The following YWHAQ variants were observed in gnomAD, a reference collection of about 807,000 sequenced individuals.
YWHAQ encodes 14-3-3 protein theta.
YWHAQ carries 6 observed loss-of-function variants against 28.3 expected under a neutral mutation model. The observed-to-expected ratio is 0.21, with a 90% CI of 0.12 to 0.42. YWHAQ has a LOEUF of 0.42. Among genes scored for constraint, YWHAQ ranks in the 10% least tolerant of loss-of-function variants. YWHAQ has a pLI of 1.00. For synonymous variants in YWHAQ, 143 were observed against 119.1 expected (o/e 1.20, Z -1.31); for missense variants, 201 against 305.6 (o/e 0.66, Z 2.55).
chr2:9,593,343 G>A (rs548633161), intron 2 of YWHAQ, among the ~76,000 whole-genome samples: 6 of 150,934 alleles, frequency 4.0e-5, no homozygotes, highest in African/African-American at 1.5e-4. Flanking sequence ...CGAGCAGCTG[G>A]GACTACAGGC....
chr2:9,599,249 C>G (rs978683164), intron 2 of YWHAQ, among the ~76,000 whole-genome samples: 1 of 151,956 alleles, frequency 6.6e-6, no homozygotes, highest in African/African-American at 2.4e-5. Flanking sequence ...TGAGGTTGAC[C>G]GAAAGAAGTC....
At chr2:9,617,637 TAA>T (rs1667062689) in intron 2 of YWHAQ, among the ~76,000 whole-genome samples, 1 of 152,144 alleles carries the variant, frequency 6.6e-6, no homozygotes, top group Non-Finnish European at 1.5e-5. Context: ...TACCACACTA[TAA>T]GAGTTTTATT....
intron 2 of YWHAQ, among the ~76,000 whole-genome samples, chr2:9,607,969 A>G (rs1572997574): frequency 6.6e-6 from 1 of 152,048 alleles, no homozygotes; most frequent in East Asian, 1.9e-4. Context: ...CAGCCTCCCA[A>G]AGTGCTGGTA....
intron 2 of YWHAQ, among the ~76,000 whole-genome samples, chr2:9,602,511 AT>A (rs112452079): frequency 6.7e-5 from 10 of 148,822 alleles, no homozygotes; most frequent in East Asian, 2.0e-4. Context: ...ACCTACGCAC[AT>A]TTTTTTTTTA....
intron 5 of YWHAQ, among the ~76,000 whole-genome samples, chr2:9,586,102 A>G (rs1179888983): frequency 1.3e-5 from 2 of 152,164 alleles, no homozygotes; most frequent in Admixed American, 6.5e-5. Flanking sequence ...ACAATTTTCA[A>G]GTGTGTGAAG....
Position 9,630,523 on chromosome 2 carries a change from G to T in YWHAQ, c.-71C>A. 4.3e-6 allele frequency: 6 copies of T among 1,400,314 alleles called. No homozygotes were observed. The highest frequency in any genetic ancestry group is 4.7e-6 in the Non-Finnish European group (5 of 1,059,024). 86.7% of individuals were successfully genotyped at this position (1,400,314 alleles called of 1,614,324 possible). The stretch of plus-strand genomic sequence containing the variant: ...GGCGAGCGCCGACCCGCAGCGGGAG[G>T]AGCCTCGAGAGCTGCGGAGGGGCGG... On this transcript the variant is annotated 5_prime_UTR_variant, in exon 2 of 6. Transcript: ENST00000238081. The surrounding 1 kb of genome is among the most constrained non-coding windows in gnomAD (Gnocchi z 5.6).
At chr2:9,597,268 A>G (rs1297823758) in intron 2 of YWHAQ, among the ~76,000 whole-genome samples, 2 of 152,196 alleles carry the variant, frequency 1.3e-5, no homozygotes, top group South Asian at 2.1e-4. Context: ...TATAACATCA[A>G]TTCATCTATG....
At chr2:9,611,924 C>G (rs188631022) in intron 2 of YWHAQ, among the ~76,000 whole-genome samples, 2 of 152,248 alleles carry the variant, frequency 1.3e-5, no homozygotes, top group African/African-American at 4.8e-5. Context: ...CCGCCTTGGC[C>G]TCCCAAAGCG....
chr2:9,626,846 C>T (rs903151454), intron 2 of YWHAQ, among the ~76,000 whole-genome samples: 2 of 152,186 alleles, frequency 1.3e-5, no homozygotes, highest in Admixed American at 1.3e-4. Context: ...AGTTTTCAAC[C>T]TGTCATGTAT....
chr2:9,585,165 T>C lies in YWHAQ; in HGVS notation c.*121A>G. On this transcript the variant is annotated 3_prime_UTR_variant, in exon 6 of 6. Transcript: ENST00000238081. ...CCAAAGCTGCAGTGTGAAAAGACTA[T>C]AAACAGTTGATTCCATACACATGAA... 3.6e-6 allele frequency: 4 copies of C among 1,105,742 alleles called. No homozygotes were observed. Among genetic ancestry groups the C allele is most frequent in the Non-Finnish European group, 5.4e-6 (4 of 747,404 alleles). 68.5% of individuals were successfully genotyped at this position (1,105,742 alleles called of 1,614,324 possible).
At chr2:9,603,543 G>A (rs1017795668) in intron 2 of YWHAQ, among the ~76,000 whole-genome samples, 1 of 151,670 alleles carries the variant, frequency 6.6e-6, no homozygotes, top group Non-Finnish European at 1.5e-5. Context: ...CCAAAGTGCT[G>A]TGATTACGGG....
chr2:9,606,017 A>T (rs2125068017), intron 2 of YWHAQ, among the ~76,000 whole-genome samples: 1 of 151,954 alleles, frequency 6.6e-6, no homozygotes, highest in South Asian at 2.1e-4. Flanking sequence ...TAGCTGCCTC[A>T]TTCTATATAT....
intron 3 of YWHAQ, among the ~76,000 whole-genome samples, chr2:9,589,714 G>C (rs1425054343): frequency 6.6e-6 from 1 of 152,090 alleles, no homozygotes; most frequent in Non-Finnish European, 1.5e-5. Context: ...GTATCAAGTG[G>C]TATTATTTGA....
At chr2:9,619,690 T>C (rs1004639824) in intron 2 of YWHAQ, among the ~76,000 whole-genome samples, 2 of 152,234 alleles carry the variant, frequency 1.3e-5, no homozygotes, top group African/African-American at 4.8e-5. Flanking sequence ...AATGGTGGTC[T>C]CTGCAATCAG....
intron 2 of YWHAQ, among the ~76,000 whole-genome samples, chr2:9,621,510 T>C (rs1210167822): frequency 6.6e-6 from 1 of 152,160 alleles, no homozygotes; most frequent in Non-Finnish European, 1.5e-5. Context: ...GATCTTACCA[T>C]TAACCTTTTG....
chr2:9,630,080 T>C lies in YWHAQ; in HGVS notation c.294+79A>G, dbSNP rs1358502079. 2 of 1,543,466 alleles carry C rather than the reference T, an allele frequency of 1.3e-6. No homozygotes were observed. The highest frequency in any genetic ancestry group is 1.8e-6 in the Non-Finnish European group (2 of 1,140,168). ...ACAGTCCGGCAAGCCCCGGCTCACGTTTGTTTCCGTGCCCGCGAAACTCTC... is the reference window on the plus strand; with the variant it reads ...ACAGTCCGGCAAGCCCCGGCTCACGCTTGTTTCCGTGCCCGCGAAACTCTC... On this transcript the variant is annotated intron_variant, in intron 2 of 5. Coordinates refer to ENST00000238081, the MANE Select transcript of YWHAQ (RefSeq NM_006826.4). This position sits in a 1 kb window ranked among gnomAD's most constrained non-coding sequence, Gnocchi z 5.6.
intron 2 of YWHAQ, among the ~76,000 whole-genome samples, chr2:9,605,140 C>CTTTTTTT (rs35332379): frequency 7.2e-6 from 1 of 138,420 alleles, no homozygotes; most frequent in Non-Finnish European, 1.5e-5. Context: ...TCTGTTCTCT[C>CTTTTTTT]TTTTTTTTTT....
chr2:9,593,841 G>GA (rs1199266382), intron 2 of YWHAQ, among the ~76,000 whole-genome samples: 3 of 139,972 alleles, frequency 2.1e-5, no homozygotes, highest in African/African-American at 5.3e-5. Context: ...GTCTCTAAAA[G>GA]AAAAAAACCA....
Position 9,628,319 on chromosome 2 carries a change from C to T in YWHAQ, c.294+1840G>A, listed in dbSNP as rs191461299. 1.1e-3 allele frequency among the ~76,000 whole-genome samples: 167 copies of T among 152,286 alleles called. 1 individual carries two copies. The highest frequency in any genetic ancestry group is 3.6e-3 in the African/African-American group (151 of 41,558). On this transcript the variant is annotated intron_variant, in intron 2 of 5. Coordinates refer to ENST00000238081, the MANE Select transcript of YWHAQ (RefSeq NM_006826.4). Reference sequence around the variant, plus strand: ...CTGTCCTAAATTCAGGGGTTGTCCCCATTGAAATGGTCTGTATGAAAGTTC... The same window carrying T: ...CTGTCCTAAATTCAGGGGTTGTCCCTATTGAAATGGTCTGTATGAAAGTTC...
Sources: allele counts gnomAD v4.1 joint callset (sites outside exome capture counted in the v4.1 genomes callset), GRCh38; gene constraint gnomAD v4.1.1; non-coding constraint Gnocchi (gnomAD v3.1); transcripts MANE v1.5; gene names NCBI Gene and HGNC (gene_info 2026-07-23, HGNC 2026-07-21).